EPHA3: variants seen among roughly 807,000 people sequenced by gnomAD.
The protein encoded by EPHA3 is ephrin type-A receptor 3.
In EPHA3, 42 loss-of-function variants were observed where a neutral mutation model predicts 107.1. That is an observed-to-expected ratio of 0.39 (90% confidence interval 0.31 to 0.51). The LOEUF is 0.51. Among genes scored for constraint, EPHA3 ranks in the 20% least tolerant of loss-of-function variants. The probability of loss-of-function intolerance (pLI) is 0.78; values close to 1 mark genes in which losing one functional copy is unlikely to be tolerated. For missense variants in EPHA3, 1,183 were observed against 1,211.2 expected, an observed-to-expected ratio of 0.98 and a Z score of 0.35; for synonymous variants, 461 against 424.8, an observed-to-expected ratio of 1.09 and a Z score of -1.05.
intron 3 of EPHA3, among the ~76,000 whole-genome samples, chr3:89,274,204 A>G (rs998343071): frequency 2.6e-5 from 4 of 151,906 alleles, no homozygotes; most frequent in African/African-American, 9.7e-5. Flanking sequence ...GTTATTTTCT[A>G]TTTACCCACC....
intron 2 of EPHA3, among the ~76,000 whole-genome samples, chr3:89,145,460 G>C (rs774126664): frequency 6.6e-6 from 1 of 151,450 alleles, no homozygotes; most frequent in African/African-American, 2.4e-5. Context: ...TCAATTCTTA[G>C]CACAGTTATT....
In EPHA3 at chr3:89,467,570, G is replaced by GA. The variant is rs201725551; in HGVS notation, c.2691-4892dup. Among the ~76,000 whole-genome samples the GA allele has an allele frequency of 7.5e-3, 1,138 of 152,214 alleles. 25 individuals are homozygous for GA. Among genetic ancestry groups the GA allele is most frequent in the African/African-American group, 0.025 (1,056 of 41,550 alleles). On this transcript the variant is annotated intron_variant, in intron 15 of 16. Coordinates refer to ENST00000336596, the MANE Select transcript of EPHA3 (RefSeq NM_005233.6). The stretch of plus-strand genomic sequence containing the variant: ...TAGCATTGAAATAAGATTATTACCC[G>GA]AAGATATTCCTGGGATTGGCAGTTG...
At chr3:89,173,283 A>T (rs1463066728) in intron 2 of EPHA3, among the ~76,000 whole-genome samples, 1 of 152,054 alleles carries the variant, frequency 6.6e-6, no homozygotes, top group Non-Finnish European at 1.5e-5. Context: ...TTCTATACGC[A>T]TAAATTAAAT....
rs541079154 is a variant in EPHA3, at chr3:89,209,588, A to T, written c.154-272A>T. Among the ~76,000 whole-genome samples, 166 of 152,240 alleles carry T rather than the reference A, an allele frequency of 1.1e-3. 1 individual carries two copies. In the South Asian group the frequency reaches 0.015, roughly 13 times the overall value. On this transcript the variant is annotated intron_variant, in intron 2 of 16. Coordinates refer to ENST00000336596, the MANE Select transcript of EPHA3 (RefSeq NM_005233.6). ...TGGAGACAACTGATTTGAGGTTTTGATCCTGGAATGTTTGATTAGGCTCTA... is the reference window on the plus strand; with the variant it reads ...TGGAGACAACTGATTTGAGGTTTTGTTCCTGGAATGTTTGATTAGGCTCTA...
At chr3:89,471,245 A>G (rs1478160633) in intron 15 of EPHA3, among the ~76,000 whole-genome samples, 6 of 151,566 alleles carry the variant, frequency 4.0e-5, no homozygotes, top group Admixed American at 1.3e-4. Flanking sequence ...GGAGGCAAAC[A>G]TTGTCTCATT....
At chr3:89,151,225 T>C (rs905620710) in intron 2 of EPHA3, among the ~76,000 whole-genome samples, 1 of 152,114 alleles carries the variant, frequency 6.6e-6, no homozygotes, top group African/African-American at 2.4e-5. Flanking sequence ...AAATCCATTA[T>C]CTTTACTAGA....
rs183545289 is a variant in EPHA3 at position 89,350,971 on chromosome 3, G to T, written c.1306+8881G>T. On this transcript the variant is annotated intron_variant, in intron 5 of 16. Coordinates refer to ENST00000336596, the MANE Select transcript of EPHA3 (RefSeq NM_005233.6). ...GACCCACTTGAGGAGGCAGTCTGCC[G>T]GTTCTCAGATCTCCAGCTGCGTGTT... 5.0e-4 allele frequency among the ~76,000 whole-genome samples: 75 copies of T among 151,438 alleles called. 7 individuals carry two copies. The highest frequency in any genetic ancestry group is 1.1e-3 in the Admixed American group (16 of 15,172).
At chr3:89,289,936 G>A (rs2107327176) in intron 3 of EPHA3, among the ~76,000 whole-genome samples, 1 of 152,216 alleles carries the variant, frequency 6.6e-6, no homozygotes, top group Non-Finnish European at 1.5e-5. Context: ...TTAGGTTTCT[G>A]GGTTGTGAAC....
At chr3:89,280,383 G>T (rs1705912877) in intron 3 of EPHA3, among the ~76,000 whole-genome samples, 1 of 152,026 alleles carries the variant, frequency 6.6e-6, no homozygotes, top group Non-Finnish European at 1.5e-5. Context: ...AGCCTCCAGA[G>T]GTTGAAGTAA....
intron 5 of EPHA3, among the ~76,000 whole-genome samples, chr3:89,380,343 T>A (rs1004903685): frequency 1.5e-4 from 23 of 152,204 alleles, no homozygotes; most frequent in Admixed American, 1.3e-4. Flanking sequence ...GAGCCACAGT[T>A]GAATCCATAC....
At chr3:89,115,433 T>C (rs898456411) in intron 1 of EPHA3, among the ~76,000 whole-genome samples, 1 of 152,066 alleles carries the variant, frequency 6.6e-6, no homozygotes, top group African/African-American at 2.4e-5. Flanking sequence ...TCTTCCAATA[T>C]TGGGAGTAAA....
At chr3:89,340,326 T>G (rs1204589086) in intron 3 of EPHA3, among the ~76,000 whole-genome samples, 1 of 152,226 alleles carries the variant, frequency 6.6e-6, no homozygotes, top group African/African-American at 2.4e-5. Flanking sequence ...GGAATATATT[T>G]AAATCTTTAT....
intron 2 of EPHA3, among the ~76,000 whole-genome samples, chr3:89,161,349 G>A (rs1312568218): frequency 6.6e-6 from 1 of 152,092 alleles, no homozygotes; most frequent in Non-Finnish European, 1.5e-5. Context: ...GCCATTAATA[G>A]TATTAGTTAT....
At chr3:89,330,957 G>A (rs1325408814) in intron 3 of EPHA3, among the ~76,000 whole-genome samples, 1 of 152,036 alleles carries the variant, frequency 6.6e-6, no homozygotes, top group Non-Finnish European at 1.5e-5. Context: ...AGGGAAAAAA[G>A]CAAGAAGAAA....
intron 3 of EPHA3, among the ~76,000 whole-genome samples, chr3:89,332,883 G>A (rs1267010635): frequency 6.6e-6 from 1 of 151,876 alleles, no homozygotes; most frequent in African/African-American, 2.4e-5. Context: ...ATTGAAATGA[G>A]CCTTTTAACC....
intron 3 of EPHA3, among the ~76,000 whole-genome samples, chr3:89,316,512 A>G (rs1325351490): frequency 1.0e-5 from 1 of 95,896 alleles, no homozygotes; most frequent in Non-Finnish European, 2.2e-5. Context: ...TGTAATATAT[A>G]TATATATATA....
chr3:89,264,335 G>A (rs1012559190), intron 3 of EPHA3, among the ~76,000 whole-genome samples: 3 of 152,064 alleles, frequency 2.0e-5, no homozygotes, highest in African/African-American at 7.2e-5. Context: ...AACCCAGTAG[G>A]GAAAATTCCA....
intron 3 of EPHA3, among the ~76,000 whole-genome samples, chr3:89,297,954 G>T (rs968793666): frequency 6.6e-6 from 1 of 152,140 alleles, no homozygotes; most frequent in Non-Finnish European, 1.5e-5. Flanking sequence ...AGGATCACTT[G>T]AACCTGGGAG....
chr3:89,345,335 A>G (rs1277242086), intron 5 of EPHA3, among the ~76,000 whole-genome samples: 1 of 151,038 alleles, frequency 6.6e-6, no homozygotes, highest in Non-Finnish European at 1.5e-5. Flanking sequence ...GTAAATTGAC[A>G]TTTCCTCCCT....
Sources: allele counts gnomAD v4.1 joint callset (sites outside exome capture counted in the v4.1 genomes callset), GRCh38; gene constraint gnomAD v4.1.1; transcripts MANE v1.5; gene names NCBI Gene and HGNC (gene_info 2026-07-23, HGNC 2026-07-21).